Variants in EIF4A3 observed in about 807,000 individuals in gnomAD.
EIF4A3 encodes the protein eukaryotic translation initiation factor 4A3, also known as eukaryotic initiation factor 4A-III.
Under a neutral mutation model 55.6 loss-of-function variants are expected in EIF4A3, and 1 was observed. The observed-to-expected ratio is 0.02, with a 90% CI of 0.01 to 0.09. The LOEUF is 0.09. EIF4A3 is among the 10% of genes least tolerant of loss of function. EIF4A3 has a pLI of 1.00. For synonymous variants in EIF4A3, 194 were observed against 196.3 expected (o/e 0.99, Z 0.10); for missense variants, 221 against 540.7 (o/e 0.41, Z 5.86).
Position 80,140,066 on chromosome 17 carries a change from G to A in EIF4A3, c.447C>T (p.Asp149=). The change falls in exon 5 of 12, where the codon GAC becomes GAT. Residue 149 remains aspartate (D), a synonymous_variant. Transcript: ENST00000649764. ...ACIGGTNVGE[D]IRKLDYGQHV... ...GCTGTCCGTAATCCAGCTTCCTGAT[G>A]TCCTCGCCAACATTGGTGCCTCCAA... is the stretch of plus-strand genomic sequence containing the variant. 6.2e-7 allele frequency: 1 copy of A among 1,613,884 alleles called. No homozygotes were observed. The highest frequency in any genetic ancestry group is 8.5e-7 in the Non-Finnish European group (1 of 1,179,974).
At chr17:80,141,548 CTT>C (rs2039619101) in intron 3 of EIF4A3, 167 bp from the exon 4 acceptor site, 5 of 793,400 alleles carry the variant, frequency 6.3e-6, no homozygotes, top group Non-Finnish European at 9.9e-6. Context: ...CCAACAATAA[CTT>C]AATGTGTCAG....
chr17:80,137,725 TG>T (rs751425489), intron 8 of EIF4A3: 25 of 513,370 alleles, frequency 4.9e-5, no homozygotes, highest in Admixed American at 2.1e-4. Context: ...AATGACTCTA[TG>T]GGGGGAGGGG....
Position 80,135,960 on chromosome 17 carries a change from G to T in EIF4A3, c.1219+44C>A, listed in dbSNP as rs983756261. ...CTCAGGTGCCCCAAACTAAGAATAG[G>T]GAAGTTCCCTCTACAATTACAGTAG... is the stretch of plus-strand genomic sequence containing the variant. On this transcript the variant is annotated intron_variant, in intron 11 of 11. Coordinates refer to ENST00000649764, the MANE Select transcript of EIF4A3 (RefSeq NM_014740.4). 11 of 1,594,018 alleles carry T rather than the reference G, an allele frequency of 6.9e-6. 1 individual carries two copies. The highest frequency in any genetic ancestry group is 8.5e-6 in the Non-Finnish European group (10 of 1,171,152).
rs530357883 is a variant in EIF4A3, at chr17:80,136,170, C to T, written c.1092-39G>A. On this transcript the variant is annotated intron_variant, in intron 10 of 11. Transcript: ENST00000649764. Reference sequence around the variant, plus strand: ...ATAATATTACAGTTAGTATATATAACAATCAAGATTTAGTAAATGTGTCAC... The same window carrying T: ...ATAATATTACAGTTAGTATATATAATAATCAAGATTTAGTAAATGTGTCAC... 62 of 1,613,446 alleles carry T rather than the reference C, an allele frequency of 3.8e-5. 2 individuals carry two copies. In the South Asian group the frequency reaches 6.3e-4, roughly 16 times the overall value.
chr17:80,143,337 C>T (rs749058673), intron 2 of EIF4A3, among the ~76,000 whole-genome samples: 11 of 152,268 alleles, frequency 7.2e-5, no homozygotes, highest in Non-Finnish European at 1.0e-4. Context: ...AGCTGCTGTT[C>T]CAGCAAATTA....
At chr17:80,146,752 G>C (rs976140442) in intron 1 of EIF4A3, 41 bp downstream of exon 1, 2 of 1,584,368 alleles carry the variant, frequency 1.3e-6, no homozygotes, top group Non-Finnish European at 8.5e-7. Context: ...GCTCGCCCCC[G>C]ACTCGCCCCC....
At chr17:80,138,579 T>C (rs1022182699) in intron 7 of EIF4A3, 1 of 392,408 alleles carries the variant, frequency 2.5e-6, no homozygotes, top group African/African-American at 2.0e-5. Flanking sequence ...CAAACCACAA[T>C]GAGGATTATA....
rs1213015324 is a variant in EIF4A3, at chr17:80,134,800, G to A, written c.*690C>T. On this transcript the variant is annotated 3_prime_UTR_variant, in exon 12 of 12. Transcript: ENST00000649764. The stretch of plus-strand genomic sequence containing the variant: ...GATGGTGCCACTGCTCTTCAGCCTG[G>A]GCAGCAGAGCAAAACTCATCAACGA... Among the ~76,000 whole-genome samples, 2 of 152,074 alleles carry A rather than the reference G, an allele frequency of 1.3e-5. No homozygotes were observed. Among genetic ancestry groups the A allele is most frequent in the African/African-American group, 4.8e-5 (2 of 41,396 alleles).
intron 1 of EIF4A3, among the ~76,000 whole-genome samples, chr17:80,145,461 G>A (rs2039651350): frequency 6.6e-6 from 1 of 152,180 alleles, no homozygotes; most frequent in African/African-American, 2.4e-5. Context: ...CTACTCGGGA[G>A]GCTGAGGCAA....
At chr17:80,146,435 T>C (rs913224577) in intron 1 of EIF4A3, among the ~76,000 whole-genome samples, 2 of 152,092 alleles carry the variant, frequency 1.3e-5, no homozygotes, top group Non-Finnish European at 2.9e-5. Context: ...TCAAAACCCG[T>C]AAAGGCGCAA....
At position 80,146,944 on chromosome 17, in the gene EIF4A3, C is replaced by A. The variant is rs774667540; in HGVS notation, c.18G>T (p.Thr6=). ...TTCGCGCCGAGCCCGAGGTCGCCAT[C>A]GTGGCCGTGGTCGCCATGATTCAGA... MATTA[T]MATSGSARKR... The change falls in exon 1 of 12, where the codon ACG becomes ACT. Residue 6 remains threonine (T), a synonymous_variant. Coordinates refer to ENST00000649764, the MANE Select transcript of EIF4A3 (RefSeq NM_014740.4). 6.2e-7 allele frequency: 1 copy of A among 1,606,976 alleles called. No individual in the cohort carries two copies. The highest frequency in any genetic ancestry group is 1.4e-5 in the African/African-American group (1 of 73,824).
At position 80,139,980 on chromosome 17, in the gene EIF4A3, C is replaced by G. The variant is rs1414887323; in HGVS notation, c.505+28G>C. On this transcript the variant is annotated intron_variant, in intron 5 of 11. Coordinates refer to ENST00000649764, the MANE Select transcript of EIF4A3 (RefSeq NM_014740.4). ...CACTTCTTACAAATACTACCGGCAGCACCATTTTTAGCGACAAAAGTGCTT... is the reference window on the plus strand; with the variant it reads ...CACTTCTTACAAATACTACCGGCAGGACCATTTTTAGCGACAAAAGTGCTT... 3 of 1,604,102 alleles carry G rather than the reference C, an allele frequency of 1.9e-6. No homozygotes were observed. The South Asian group carries it at 3.3e-5, about 18-fold the overall frequency.
At chr17:80,136,612 C>T (rs558530148) in intron 9 of EIF4A3, 35 of 435,588 alleles carry the variant, frequency 8.0e-5, no homozygotes, top group Non-Finnish European at 1.3e-4. Flanking sequence ...CTTGTTTAAT[C>T]GGTCCTAAAC....
chr17:80,143,196 G>A (rs2039631750), intron 2 of EIF4A3, among the ~76,000 whole-genome samples: 1 of 152,132 alleles, frequency 6.6e-6, no homozygotes, highest in East Asian at 1.9e-4. Context: ...GCTGAACACA[G>A]ACAGTGGAAC....
intron 4 of EIF4A3, 173 bp from the exon 5 acceptor site, chr17:80,140,313 C>CT (rs34707524): frequency 0.03 from 12,590 of 418,756 alleles, 39 homozygotes; most frequent in African/African-American, 0.044. Flanking sequence ...GTTAATTTTG[C>CT]TTTTTTTTTT....
At chr17:80,137,563 G>A (rs1263673777) in intron 8 of EIF4A3, 62 bp from the exon 9 acceptor site, 23 of 1,321,048 alleles carry the variant, frequency 1.7e-5, no homozygotes, top group Non-Finnish European at 2.2e-5. Context: ...ATGTGCATTC[G>A]GGACTTTACC....
At chr17:80,139,559 GA>G in intron 6 of EIF4A3, 110 bp downstream of exon 6, 1 of 943,038 alleles carries the variant, frequency 1.1e-6, no homozygotes, top group Non-Finnish European at 1.6e-6. Context: ...TTTCCACGAT[GA>G]AAACACTATT....
rs751092478 is a variant in EIF4A3, at chr17:80,146,934, AGGTCGCCATCGTGGCCGT to A, written c.10_27del (p.Thr4_Thr9del). 2 of 1,608,294 alleles carry A rather than the reference AGGTCGCCATCGTGGCCGT, an allele frequency of 1.2e-6. No individual in the cohort carries two copies. The highest frequency in any genetic ancestry group is 1.1e-5 in the South Asian group (1 of 90,784). On this transcript the variant is annotated inframe_deletion, in exon 1 of 12. Coordinates refer to ENST00000649764, the MANE Select transcript of EIF4A3 (RefSeq NM_014740.4). ...AGCAGCCGCTTTCGCGCCGAGCCCG[AGGTCGCCATCGTGGCCGT>A]GGTCGCCATGATTCAGAGTCCGCGG...
At chr17:80,144,509 TA>T (rs139730121) in intron 1 of EIF4A3, among the ~76,000 whole-genome samples, 21,184 of 143,842 alleles carry the variant, frequency 0.15, 1,723 homozygotes, top group East Asian at 0.26. Context: ...CAGTTTTGTT[TA>T]AAAAAAAAAA....
Sources: gnomAD v4.1 joint callset for allele counts (sites outside exome capture counted in the v4.1 genomes callset) on GRCh38, gnomAD v4.1.1 for gene constraint, MANE v1.5 for transcripts, NCBI Gene and HGNC (gene_info 2026-07-23, HGNC 2026-07-21) for gene names.